ZNFX1: variants seen among roughly 807,000 people sequenced by gnomAD.
ZNFX1 encodes the protein NFX1-type zinc finger-containing protein 1.
Under a neutral mutation model 179.8 loss-of-function variants are expected in ZNFX1, and 78 were observed. The ratio of observed to expected loss-of-function variants is 0.43; its 90% CI spans 0.36 to 0.52. The LOEUF (loss-of-function observed/expected upper bound fraction) is 0.52. ZNFX1 is among the 20% of genes least tolerant of loss of function. The pLI is 0.00. For synonymous variants in ZNFX1, 848 were observed against 868.5 expected (o/e 0.98, Z 0.42); for missense variants, 1,927 against 2,386.6 (o/e 0.81, Z 4.01).
intron 13 of ZNFX1, among the ~76,000 whole-genome samples, chr20:49,250,352 G>A (rs995752090): frequency 4.6e-5 from 7 of 152,178 alleles, no homozygotes; most frequent in Admixed American, 6.5e-5. Flanking sequence ...TAATGACAGA[G>A]CAGCTAACTT....
chr20:49,249,547 G>A lies in ZNFX1; in HGVS notation c.3477C>T (p.Thr1159=). 1 of 1,614,272 alleles carries A rather than the reference G, an allele frequency of 6.2e-7. No individual in the cohort carries two copies. Residue 1159 remains threonine (T), a synonymous_variant, in exon 14 of 14, where the codon ACC becomes ACT. Coordinates refer to ENST00000396105, the MANE Select transcript of ZNFX1 (RefSeq NM_021035.3). ...YLPSQITILT[T]YTGQLFCLRK... The stretch of plus-strand genomic sequence containing the variant: ...GCAGGCAGAAGAGCTGCCCGGTATA[G>A]GTAGTGAGGATGGTGATCTGGGAAG...
At position 49,260,591 on chromosome 20, in the gene ZNFX1, A is replaced by G. The variant is rs2146735249; in HGVS notation, c.2302-14T>C. 6.4e-7 allele frequency: 1 copy of G among 1,572,682 alleles called. No homozygotes were observed. The highest frequency in any genetic ancestry group is 8.7e-7 in the Non-Finnish European group (1 of 1,151,946). On this transcript the variant is annotated splice_polypyrimidine_tract_variant and intron_variant, in intron 6 of 13. Coordinates refer to ENST00000396105, the MANE Select transcript of ZNFX1 (RefSeq NM_021035.3). ...CCATTCACTATCCTAAGGAAAGAAG[A>G]ATGATCATTTGTGAGGATTCTATGA...
Position 49,263,425 on chromosome 20 carries a change from T to C in ZNFX1, c.2210A>G (p.Glu737Gly). Residue 737 changes from glutamate to glycine, a missense_variant, in exon 6 of 14, where the codon GAG becomes GGG. Coordinates refer to ENST00000396105, the MANE Select transcript of ZNFX1 (RefSeq NM_021035.3). ...CCGTAGGACACCACGCATGGTGCAC[T>C]CCAGGGTCTTGGCTCCTTCATGAAG... ...QELHEGAKTL[E>G]CTMRGVLREQ... 1 of 1,611,584 alleles carries C rather than the reference T, an allele frequency of 6.2e-7. No homozygotes were observed. The highest frequency in any genetic ancestry group is 8.5e-7 in the Non-Finnish European group (1 of 1,178,804).
Position 49,275,831 on chromosome 20 carries a change from C to G in ZNFX1, c.9G>C (p.Glu3Asp), listed in dbSNP as rs373663320. 236 of 1,614,066 alleles carry G rather than the reference C, an allele frequency of 1.5e-4. No individual in the cohort carries two copies. The highest frequency in any genetic ancestry group is 1.9e-4 in the Non-Finnish European group (222 of 1,180,024). The change falls in exon 2 of 14, where the codon GAG (glutamate) becomes GAC (aspartate). Residue 3 changes from glutamate (E) to aspartate (D), a missense_variant. Physicochemically the swap from Glu to Asp is conservative, Grantham distance 45. Coordinates refer to ENST00000396105, the MANE Select transcript of ZNFX1 (RefSeq NM_021035.3). ...GCCTGGCATCCAGATGAGGTCTTCTCTCCTCCATGTCTGAGTCACCTGAAT... is the reference window on the plus strand; with the variant it reads ...GCCTGGCATCCAGATGAGGTCTTCTGTCCTCCATGTCTGAGTCACCTGAAT... ME[E>D]RRPHLDARPR...
At chr20:49,265,544 T>G (rs1981214856) in intron 4 of ZNFX1, among the ~76,000 whole-genome samples, 1 of 152,098 alleles carries the variant, frequency 6.6e-6, no homozygotes, top group African/African-American at 2.4e-5. Context: ...GAATAAAGAT[T>G]TATCTAGGTG....
chr20:49,252,599 G>C, intron 12 of ZNFX1, 121 bp downstream of exon 12: 1 of 657,040 alleles, frequency 1.5e-6, no homozygotes, highest in Non-Finnish European at 2.7e-6. Flanking sequence ...ATGTAAGGTT[G>C]ACAGAGTCAT....
chr20:49,275,133 AAT>A (rs1981523633), intron 2 of ZNFX1, among the ~76,000 whole-genome samples: 1 of 152,080 alleles, frequency 6.6e-6, no homozygotes, highest in Non-Finnish European at 1.5e-5. Context: ...AAAAAAAAAA[AAT>A]AAAATAAAAA....
chr20:49,259,734 G>A (rs1197316364), intron 7 of ZNFX1, among the ~76,000 whole-genome samples: 1 of 152,124 alleles, frequency 6.6e-6, no homozygotes, highest in East Asian at 1.9e-4. Context: ...CGGCTAACTT[G>A]CCTTTTTCAT....
In ZNFX1 at chr20:49,271,047, T is replaced by C. The variant is rs1981377543; in HGVS notation, c.765A>G (p.Val255=). 1 of 1,614,094 alleles carries C rather than the reference T, an allele frequency of 6.2e-7. No homozygotes were observed. The highest frequency in any genetic ancestry group is 1.3e-5 in the African/African-American group (1 of 75,014). ...SNIISLLQDL[V]SVFPASSVQE... ...GCACAGAGCTGGCAGGGAAGACACT[T>C]ACAAGGTCCTGGAGGAGGGAGATGA... Residue 255 remains valine (V), a synonymous_variant, in exon 3 of 14, where the codon GTA becomes GTG. Transcript: ENST00000396105.
chr20:49,269,329 G>T (rs1233290549), intron 3 of ZNFX1, among the ~76,000 whole-genome samples: 1 of 152,142 alleles, frequency 6.6e-6, no homozygotes, highest in African/African-American at 2.4e-5. Flanking sequence ...ACACAAAGAA[G>T]GGAACAGACA....
chr20:49,247,154 A>T lies in ZNFX1; in HGVS notation c.*113T>A. ...AGTGCTGGGATTACAGGCGTAAGCC[A>T]CTGCGCCCAGCCTAAAAAGGATGAT... On this transcript the variant is annotated 3_prime_UTR_variant, in exon 14 of 14. Transcript: ENST00000396105. The T allele has an allele frequency of 7.0e-7, 1 of 1,437,600 alleles. No individual in the cohort carries two copies. Among genetic ancestry groups the T allele is most frequent in the Non-Finnish European group, 9.3e-7 (1 of 1,069,796 alleles). 89.1% of individuals were successfully genotyped at this position (1,437,600 alleles called of 1,614,324 possible).
At chr20:49,271,965 AG>A (rs966032474) in intron 2 of ZNFX1, among the ~76,000 whole-genome samples, 2 of 152,168 alleles carry the variant, frequency 1.3e-5, no homozygotes, top group Non-Finnish European at 2.9e-5. Context: ...AGGACGCAAA[AG>A]GGAAAAGGAA....
At chr20:49,267,362 A>G (rs1003326298) in intron 3 of ZNFX1, among the ~76,000 whole-genome samples, 1 of 152,002 alleles carries the variant, frequency 6.6e-6, no homozygotes, top group Non-Finnish European at 1.5e-5. Flanking sequence ...ACTGGAGTGC[A>G]GGGGCTATGT....
intron 7 of ZNFX1, among the ~76,000 whole-genome samples, chr20:49,259,205 T>C (rs1221662757): frequency 1.3e-5 from 2 of 151,704 alleles, no homozygotes; most frequent in Non-Finnish European, 2.9e-5. Flanking sequence ...ATGGAGGGCA[T>C]ACAATGTAAA....
chr20:49,254,426 T>G, intron 10 of ZNFX1, 69 bp downstream of exon 10: 2 of 1,570,202 alleles, frequency 1.3e-6, no homozygotes, highest in South Asian at 2.3e-5. Context: ...CCTCTTTACC[T>G]GTCCTTAGAT....
At chr20:49,261,955 A>T (rs1981124113) in intron 6 of ZNFX1, among the ~76,000 whole-genome samples, 1 of 151,572 alleles carries the variant, frequency 6.6e-6, no homozygotes. Flanking sequence ...GCCTCATGAC[A>T]CAAGTTTACC....
chr20:49,269,790 A>G (rs1204229774), intron 3 of ZNFX1, 152 bp downstream of exon 3: 27 of 911,950 alleles, frequency 3.0e-5, no homozygotes, highest in Non-Finnish European at 4.0e-5. Flanking sequence ...TTACACATGT[A>G]ACAAACCTGC....
intron 7 of ZNFX1, among the ~76,000 whole-genome samples, chr20:49,258,706 T>A (rs1365110480): frequency 2.0e-5 from 3 of 151,996 alleles, no homozygotes; most frequent in African/African-American, 4.8e-5. Flanking sequence ...CCTGGGAGGC[T>A]GAGGCAGGAG....
chr20:49,276,475 C>G (rs1981562107), intron 1 of ZNFX1, among the ~76,000 whole-genome samples: 1 of 152,232 alleles, frequency 6.6e-6, no homozygotes, highest in Non-Finnish European at 1.5e-5. Context: ...AAAGAAATTA[C>G]ATGTTTCAAT....
Sources: gnomAD v4.1 joint callset for allele counts (sites outside exome capture counted in the v4.1 genomes callset) on GRCh38, gnomAD v4.1.1 for gene constraint, MANE v1.5 for transcripts, NCBI Gene and HGNC (gene_info 2026-07-23, HGNC 2026-07-21) for gene names.